ADAMTSL1: variants seen among roughly 807,000 people sequenced by gnomAD.
The protein encoded by ADAMTSL1 is ADAMTS-like protein 1.
A neutral mutation model predicts 201.8 loss-of-function variants in ADAMTSL1; 126 were observed. That is an observed-to-expected ratio of 0.62 (90% CI 0.54 to 0.72). ADAMTSL1 has a LOEUF of 0.72. ADAMTSL1 is among the 30% of genes least tolerant of loss of function. The probability of loss-of-function intolerance (pLI) is 0.00; values close to 1 mark genes in which losing one functional copy is unlikely to be tolerated. For missense variants in ADAMTSL1, 2,679 were observed against 2,277.8 expected (o/e 1.18, Z -3.59); for synonymous variants, 1,121 against 903.4 (o/e 1.24, Z -4.32).
At chr9:18,563,892 C>A (rs1821704761) in intron 3 of ADAMTSL1, among the ~76,000 whole-genome samples, 1 of 152,200 alleles carries the variant, frequency 6.6e-6, no homozygotes, top group Non-Finnish European at 1.5e-5. Flanking sequence ...AGGTCGACTT[C>A]AGACTGCTGT....
chr9:18,533,063 A>G (rs1394041652), intron 2 of ADAMTSL1, among the ~76,000 whole-genome samples, 184 bp from the exon 3 acceptor site: 2 of 152,086 alleles, frequency 1.3e-5, no homozygotes, highest in Non-Finnish European at 1.5e-5. Context: ...AGAGAAATCA[A>G]TTTACATCTA....
intron 1 of ADAMTSL1, among the ~76,000 whole-genome samples, chr9:18,492,556 G>C (rs1056573280): frequency 5.3e-5 from 8 of 152,076 alleles, no homozygotes; most frequent in African/African-American, 1.9e-4. Flanking sequence ...TGAAGCTGTA[G>C]GACTGCCTCT....
At chr9:18,838,874 CTT>C (rs200362260) in intron 23 of ADAMTSL1, among the ~76,000 whole-genome samples, 3 of 141,682 alleles carry the variant, frequency 2.1e-5, no homozygotes, top group Admixed American at 7.1e-5. Context: ...GATCCTGTCT[CTT>C]TTTTTTAAAA....
intron 14 of ADAMTSL1, among the ~76,000 whole-genome samples, chr9:18,710,575 A>G (rs944180209): frequency 1.3e-5 from 2 of 151,774 alleles, no homozygotes; most frequent in Non-Finnish European, 2.9e-5. Flanking sequence ...TTTGTGTTTG[A>G]CAAACCTAAG....
chr9:18,714,436 T>A (rs1832792843), intron 14 of ADAMTSL1, among the ~76,000 whole-genome samples: 1 of 152,218 alleles, frequency 6.6e-6, no homozygotes, highest in Non-Finnish European at 1.5e-5. Flanking sequence ...CCCACAGAAA[T>A]ACAAAGTACC....
At chr9:18,314,781 GCTTTTTTTT>G (rs1362616733) in intron 2 of ADAMTSL1, among the ~76,000 whole-genome samples, 5 of 67,914 alleles carry the variant, frequency 7.4e-5, no homozygotes, top group African/African-American at 1.9e-4. Context: ...TCGGCAGCGT[GCTTTTTTTT>G]TTTTTTTTTT....
chr9:18,077,165 G>A (rs545408422), intron 1 of ADAMTSL1, among the ~76,000 whole-genome samples: 1 of 152,150 alleles, frequency 6.6e-6, no homozygotes, highest in Admixed American at 6.5e-5. Context: ...CCAAATGTAG[G>A]TATAAAATTA....
intron 1 of ADAMTSL1, among the ~76,000 whole-genome samples, chr9:18,118,496 A>T (rs943826878): frequency 1.3e-5 from 2 of 152,184 alleles, no homozygotes; most frequent in African/African-American, 4.8e-5. Context: ...GAAAGTGCCC[A>T]GTCATTACTC....
chr9:18,905,680 C>A, intron 26 of ADAMTSL1, 102 bp from the exon 27 acceptor site: 2 of 833,486 alleles, frequency 2.4e-6, no homozygotes, highest in Non-Finnish European at 2.0e-6. Context: ...GAGCCTCCAA[C>A]AAGACCTACA....
chr9:18,862,898 A>G lies in ADAMTSL1; in HGVS notation c.4250-24933A>G, dbSNP rs543263790. The stretch of plus-strand genomic sequence containing the variant: ...TTAAAAAAAATGCTGATGTGTTTTT[A>G]AAAGGTATATTTTATGCCAAGAGCC... On this transcript the variant is annotated intron_variant, in intron 23 of 28. Transcript: ENST00000380548. 5.3e-5 allele frequency among the ~76,000 whole-genome samples: 8 copies of G among 152,340 alleles called. No individual in the cohort carries two copies. In the South Asian group the frequency reaches 1.2e-3, roughly 24 times the overall value.
intron 13 of ADAMTSL1, among the ~76,000 whole-genome samples, chr9:18,701,534 T>C (rs1831922784): frequency 6.6e-6 from 1 of 152,184 alleles, no homozygotes; most frequent in African/African-American, 2.4e-5. Flanking sequence ...ACTCTAATTT[T>C]TCTCACATAT....
intron 1 of ADAMTSL1, among the ~76,000 whole-genome samples, chr9:17,934,597 C>T (rs1185502171): frequency 6.6e-6 from 1 of 152,134 alleles, no homozygotes; most frequent in Non-Finnish European, 1.5e-5. Context: ...CATCCATTCT[C>T]CCACTTCCTT....
chr9:18,368,900 A>C (rs1178933549), intron 2 of ADAMTSL1, among the ~76,000 whole-genome samples: 1 of 152,206 alleles, frequency 6.6e-6, no homozygotes, highest in Non-Finnish European at 1.5e-5. Context: ...GGAAAGTATA[A>C]AACATGGTAG....
intron 27 of ADAMTSL1, among the ~76,000 whole-genome samples, chr9:18,906,160 C>T (rs1042248814): frequency 2.6e-5 from 4 of 152,160 alleles, no homozygotes; most frequent in East Asian, 1.9e-4. Flanking sequence ...CCTCATACCT[C>T]GAGAGACCTG....
chr9:18,799,955 C>G (rs1375692016), intron 20 of ADAMTSL1, among the ~76,000 whole-genome samples: 2 of 152,192 alleles, frequency 1.3e-5, no homozygotes. Flanking sequence ...ATTAGCATTT[C>G]TGAATTTTTC....
intron 1 of ADAMTSL1, among the ~76,000 whole-genome samples, chr9:18,491,097 C>G (rs894755779): frequency 6.6e-6 from 1 of 152,122 alleles, no homozygotes; most frequent in African/African-American, 2.4e-5. Context: ...CTGATAGCAG[C>G]CGTGTGTGAA....
intron 23 of ADAMTSL1, among the ~76,000 whole-genome samples, chr9:18,853,741 G>A (rs1211409207): frequency 6.6e-6 from 1 of 152,190 alleles, no homozygotes; most frequent in East Asian, 1.9e-4. Context: ...GGGTTGGTTA[G>A]ATCAGATCTC....
chr9:18,073,511 G>A (rs565946626), intron 1 of ADAMTSL1, among the ~76,000 whole-genome samples: 3 of 152,154 alleles, frequency 2.0e-5, no homozygotes, highest in Admixed American at 2.0e-4. Context: ...TTTGCACTTG[G>A]GGGATTGGTG....
chr9:18,445,335 CTTTG>C (rs1319976124), intron 2 of ADAMTSL1, among the ~76,000 whole-genome samples: 5 of 152,130 alleles, frequency 3.3e-5, no homozygotes, highest in Non-Finnish European at 5.9e-5. Flanking sequence ...AACTCTTTGA[CTTTG>C]TTTGTTTAAT....
Sources: gnomAD v4.1 joint callset for allele counts (sites outside exome capture counted in the v4.1 genomes callset) on GRCh38, gnomAD v4.1.1 for gene constraint, MANE v1.5 for transcripts, NCBI Gene and HGNC (gene_info 2026-07-23, HGNC 2026-07-21) for gene names.